Variants in MTOR observed in about 807,000 individuals in gnomAD.
The protein encoded by MTOR is serine/threonine-protein kinase mTOR.
MTOR carries 70 observed loss-of-function variants against 319.8 expected under a neutral mutation model. That is an observed-to-expected ratio of 0.22 (90% confidence interval 0.18 to 0.27). The LOEUF (loss-of-function observed/expected upper bound fraction) is 0.27. Among genes scored for constraint, MTOR ranks in the 10% least tolerant of loss-of-function variants. MTOR has a pLI of 1.00. For missense variants in MTOR, 1,890 were observed against 3,274.4 expected (o/e 0.58, Z 10.32); for synonymous variants, 1,183 against 1,211.4 (o/e 0.98, Z 0.49).
chr1:11,125,733 A>G (rs1254753879), intron 46 of MTOR, among the ~76,000 whole-genome samples: 19 of 86,020 alleles, frequency 2.2e-4, no homozygotes, highest in Non-Finnish European at 3.5e-4. Context: ...TGTCTTGGGG[A>G]AAAAAAAAAA....
At chr1:11,201,767 T>A (rs547131442) in intron 26 of MTOR, among the ~76,000 whole-genome samples, 1 of 152,356 alleles carries the variant, frequency 6.6e-6, no homozygotes. Flanking sequence ...TTACTTACAT[T>A]ATATTATAAA....
chr1:11,150,623 G>A (rs966422401), intron 30 of MTOR, among the ~76,000 whole-genome samples: 1 of 152,182 alleles, frequency 6.6e-6, no homozygotes, highest in African/African-American at 2.4e-5. Flanking sequence ...GCTATAGGGA[G>A]AACTGGCTCC....
Position 11,238,465 on chromosome 1 carries a change from T to C in MTOR, c.1939A>G (p.Thr647Ala), listed in dbSNP as rs2100900989. Residue 647 changes from threonine (T) to alanine (A), a missense_variant, in exon 12 of 58, where the codon ACC becomes GCC. Around this residue, in one of 15 missense-constraint regions of MTOR, gnomAD observed 418 missense variants for 543.1 expected, o/e 0.77. Coordinates refer to ENST00000361445, the MANE Select transcript of MTOR (RefSeq NM_004958.4). ...ISGHAHVVSQ[T>A]AVQVVADVLS... ...ACATCTGCCACCACTTGCACTGCGG[T>C]CTGGCTAACCACATGAGCATGGCCA... is the stretch of plus-strand genomic sequence containing the variant. The C allele has an allele frequency of 6.2e-7, 1 of 1,614,194 alleles. No homozygotes were observed. Among genetic ancestry groups the C allele is most frequent in the Non-Finnish European group, 8.5e-7 (1 of 1,180,024 alleles).
intron 28 of MTOR, chr1:11,194,985 G>A (rs777693189): frequency 1.9e-6 from 3 of 1,613,926 alleles, no homozygotes; most frequent in Non-Finnish European, 1.7e-6. Context: ...CCTCAAACGG[G>A]TGGAGATGAA....
Position 11,177,324 on chromosome 1 carries a change from G to A in MTOR, c.4254-9807C>T, listed in dbSNP as rs144441408. ...TGTAATCCCACCACCTTGGGAGGCC[G>A]AGACAGGATGACTGCTTGAGGACAG... On this transcript the variant is annotated intron_variant, in intron 28 of 57. Transcript: ENST00000361445. Among the ~76,000 whole-genome samples the A allele has an allele frequency of 8.3e-3, 1,260 of 152,254 alleles. 16 individuals carry two copies. Among genetic ancestry groups the A allele is most frequent in the African/African-American group, 0.029 (1,195 of 41,546 alleles).
chr1:11,203,344 A>T (rs1020119276), intron 26 of MTOR, among the ~76,000 whole-genome samples: 13 of 152,244 alleles, frequency 8.5e-5, no homozygotes, highest in Non-Finnish European at 1.9e-4. Flanking sequence ...TCGAAATATC[A>T]CATGTACTTT....
chr1:11,238,071 G>A, intron 12 of MTOR, 23 bp from the exon 13 acceptor site: 15 of 1,611,494 alleles, frequency 9.3e-6, no homozygotes, highest in Non-Finnish European at 1.3e-5. Flanking sequence ...TGGAGCCTTT[G>A]AACATTTCCT....
rs745618776 is a variant in MTOR at position 11,106,978 on chromosome 1, C to T, written c.*507G>A. The T allele has an allele frequency of 1.5e-6, 2 of 1,370,718 alleles. No individual in the cohort carries two copies. The allele number at this position is 1,370,718 out of a possible 1,614,324, so 84.9% of individuals were successfully genotyped here. On this transcript the variant is annotated 3_prime_UTR_variant, in exon 58 of 58. Coordinates refer to ENST00000361445, the MANE Select transcript of MTOR (RefSeq NM_004958.4). ...TCTTGCAAACATTTCTGCTGCTGTC[C>T]ACAGACCAGTGAGGTCTTGGGATAG...
rs778481052 is a variant in MTOR at position 11,133,114 on chromosome 1, C to T, written c.5330G>A (p.Ser1777Asn). 1.2e-6 allele frequency: 2 copies of T among 1,614,180 alleles called. No individual in the cohort carries two copies. The highest frequency in any genetic ancestry group is 2.2e-5 in the South Asian group (2 of 91,080). ...GCTGCGGTCGTGCTCTGTGGCGGCG[C>T]TGTAGTACTGCAGCACTTTGGGGAT... ...STIPKVLQYY[S>N]AATEHDRSWY... Residue 1777 changes from serine (S) to asparagine (N), a missense_variant, in exon 38 of 58, where the codon AGC becomes AAC. Ser to Asn is a conservative substitution (Grantham distance 46). Coordinates refer to ENST00000361445, the MANE Select transcript of MTOR (RefSeq NM_004958.4). This position sits in a 1 kb window ranked among gnomAD's most constrained non-coding sequence, Gnocchi z 4.0.
intron 28 of MTOR, among the ~76,000 whole-genome samples, chr1:11,176,292 G>A (rs955559778): frequency 6.6e-6 from 1 of 152,110 alleles, no homozygotes; most frequent in Non-Finnish European, 1.5e-5. Context: ...CTTGGTTATC[G>A]CCCTCATCCC....
At position 11,255,948 on chromosome 1, in the gene MTOR, G is replaced by A. The variant is rs141445154; in HGVS notation, c.705+44C>T. On this transcript the variant is annotated intron_variant, in intron 5 of 57. Transcript: ENST00000361445. ...CCCTTTAGGCCAGGTGATTCTCTAC[G>A]CAGATGTGCTTTGCTAGTGGTGGGA... 8.8e-4 allele frequency: 1,389 copies of A among 1,577,704 alleles called. 12 individuals carry two copies. The African/African-American group carries it at 0.016, about 18-fold the overall frequency.
At position 11,121,868 on chromosome 1, in the gene MTOR, C is replaced by T. The variant is rs926521033; in HGVS notation, c.6810+111G>A. On this transcript the variant is annotated intron_variant, in intron 48 of 57. Coordinates refer to ENST00000361445, the MANE Select transcript of MTOR (RefSeq NM_004958.4). This position sits in a 1 kb window ranked among gnomAD's most constrained non-coding sequence, Gnocchi z 4.9. The stretch of plus-strand genomic sequence containing the variant: ...TATTAAACCTTCTTCAAAGCTGATT[C>T]TCTCAAAGAGATTTTTCAGTGACAG... The T allele has an allele frequency of 8.5e-6, 12 of 1,404,608 alleles. 1 individual carries two copies. In the South Asian group the frequency reaches 1.5e-4, roughly 18 times the overall value. 87.0% of individuals were successfully genotyped at this position (1,404,608 alleles called of 1,614,324 possible).
At chr1:11,184,278 G>A (rs1645244241) in intron 28 of MTOR, among the ~76,000 whole-genome samples, 1 of 152,100 alleles carries the variant, frequency 6.6e-6, no homozygotes, top group South Asian at 2.1e-4. Flanking sequence ...TGCTAGGGAG[G>A]GATTAGAATC....
intron 28 of MTOR, 35 bp from the exon 29 acceptor site, chr1:11,167,552 A>G (rs1249428965): frequency 1.3e-6 from 2 of 1,549,962 alleles, no homozygotes; most frequent in South Asian, 2.2e-5. Context: ...GTTACACTCA[A>G]CAGGTCTGAG....
chr1:11,168,111 G>A (rs575978361), intron 28 of MTOR, among the ~76,000 whole-genome samples: 56 of 151,194 alleles, frequency 3.7e-4, no homozygotes, highest in African/African-American at 1.2e-3. Context: ...CCTCTCAGAC[G>A]CCGGCAGGCA....
chr1:11,138,590 C>G (rs1181431123), intron 36 of MTOR, among the ~76,000 whole-genome samples: 1 of 152,214 alleles, frequency 6.6e-6, no homozygotes, highest in Admixed American at 6.5e-5. Flanking sequence ...TTTTATTCCT[C>G]TCTCATCTCA....
Position 11,213,578 on chromosome 1 carries a change from G to C in MTOR, c.3118-12C>G. The C allele has an allele frequency of 1.2e-6, 2 of 1,612,170 alleles. No homozygotes were observed. Among genetic ancestry groups the C allele is most frequent in the Non-Finnish European group, 1.7e-6 (2 of 1,179,138 alleles). On this transcript the variant is annotated splice_polypyrimidine_tract_variant and intron_variant, in intron 20 of 57. Transcript: ENST00000361445. The stretch of plus-strand genomic sequence containing the variant: ...ATGACCCAGAATTCCTACAAAGAGA[G>C]AAAAGTCAGAGGAGCTGAGTCAGGT...
At chr1:11,175,746 G>GTT (rs34392850) in intron 28 of MTOR, among the ~76,000 whole-genome samples, 28 of 137,304 alleles carry the variant, frequency 2.0e-4, no homozygotes, top group Non-Finnish European at 2.2e-4. Context: ...TCCCTAGCAG[G>GTT]TTTTTTTTTT....
chr1:11,231,452 C>T lies in MTOR; in HGVS notation c.2515-18G>A. The stretch of plus-strand genomic sequence containing the variant: ...AGAGCCACCTGGATAGGCACAAGAA[C>T]ACGATTCAATGAGCCAGTACGAGAG... On this transcript the variant is annotated intron_variant, in intron 16 of 57. Transcript: ENST00000361445. The T allele has an allele frequency of 6.2e-7, 1 of 1,613,278 alleles. No homozygotes were observed. The highest frequency in any genetic ancestry group is 8.5e-7 in the Non-Finnish European group (1 of 1,179,684).
Sources: allele counts gnomAD v4.1 joint callset (sites outside exome capture counted in the v4.1 genomes callset), GRCh38; gene constraint gnomAD v4.1.1; regional missense constraint gnomAD v4.1.1; non-coding constraint Gnocchi (gnomAD v3.1); transcripts MANE v1.5; gene names NCBI Gene and HGNC (gene_info 2026-07-23, HGNC 2026-07-21).